DOT1L: variants seen among roughly 807,000 people sequenced by gnomAD.
DOT1L encodes DOT1 like histone lysine methyltransferase.
A neutral mutation model predicts 153.3 loss-of-function variants in DOT1L; 33 were observed. The ratio of observed to expected loss-of-function variants is 0.22; its 90% CI spans 0.16 to 0.29. DOT1L has a LOEUF of 0.29. Among genes scored for constraint, DOT1L ranks in the 10% least tolerant of loss-of-function variants. DOT1L has a pLI of 1.00. For missense variants in DOT1L, 1,847 were observed against 2,119.9 expected, an observed-to-expected ratio of 0.87 and a Z score of 2.53; for synonymous variants, 1,135 against 965.1, an observed-to-expected ratio of 1.18 and a Z score of -3.26.
intron 17 of DOT1L, 51 bp from the exon 18 acceptor site, chr19:2,213,798 C>A (rs757663986): frequency 6.2e-7 from 1 of 1,609,730 alleles, no homozygotes; most frequent in Non-Finnish European, 8.5e-7. Flanking sequence ...TGGGGGCTTA[C>A]TTCACCTTGG....
At chr19:2,228,215 G>T (rs1414977456) in intron 27 of DOT1L, 1 of 1,363,680 alleles carries the variant, frequency 7.3e-7, no homozygotes, top group Admixed American at 1.9e-5. Flanking sequence ...ACCAGCCCCT[G>T]CCCCGGCTGG....
At position 2,231,793 on chromosome 19, in the gene DOT1L, T is replaced by C. The variant is rs1031312659; in HGVS notation, c.*2001T>C. ...ACACTGTATTACTTCTGCCTCCCTCTAGGTGACAGTGGCAGTCCGGGTGCC... is the reference window on the plus strand; with the variant it reads ...ACACTGTATTACTTCTGCCTCCCTCCAGGTGACAGTGGCAGTCCGGGTGCC... On this transcript the variant is annotated 3_prime_UTR_variant, in exon 28 of 28. Transcript: ENST00000398665. 1 of 214,792 alleles carries C rather than the reference T, an allele frequency of 4.7e-6. No homozygotes were observed. The highest frequency in any genetic ancestry group is 2.3e-5 in the African/African-American group (1 of 44,216). 13.3% of individuals were successfully genotyped at this position (214,792 alleles called of 1,614,324 possible).
intron 2 of DOT1L, among the ~76,000 whole-genome samples, chr19:2,184,726 G>C (rs974538012): frequency 6.6e-6 from 1 of 152,192 alleles, no homozygotes; most frequent in Non-Finnish European, 1.5e-5. Flanking sequence ...ATGCCGTCCT[G>C]TGGGCTTTCC....
chr19:2,179,847 G>A (rs139829831), intron 1 of DOT1L, among the ~76,000 whole-genome samples: 7 of 152,156 alleles, frequency 4.6e-5, no homozygotes, highest in African/African-American at 1.7e-4. Context: ...GGCTGGCCTC[G>A]AACTCCTGGC....
At chr19:2,184,277 C>A (rs559672564) in intron 2 of DOT1L, among the ~76,000 whole-genome samples, 1 of 152,218 alleles carries the variant, frequency 6.6e-6, no homozygotes, top group East Asian at 1.9e-4. Flanking sequence ...CGGTGTTGGC[C>A]AGGTGTGCAG....
chr19:2,220,226 A>G lies in DOT1L; in HGVS notation c.2806+4A>G, dbSNP rs1162755908. ...AGCCTTGCCCTGGCCCCCGCAGGTA[A>G]CGCCCCTCCTGTGCCCTACCCTCAG... On this transcript the variant is annotated splice_donor_region_variant and intron_variant, in intron 23 of 27. Transcript: ENST00000398665. This position sits in a 1 kb window ranked among gnomAD's most constrained non-coding sequence, Gnocchi z 4.5. 1 of 1,611,596 alleles carries G rather than the reference A, an allele frequency of 6.2e-7. No homozygotes were observed. Among genetic ancestry groups the G allele is most frequent in the Non-Finnish European group, 8.5e-7 (1 of 1,179,170 alleles).
chr19:2,198,211 G>T (rs1346084835), intron 7 of DOT1L, among the ~76,000 whole-genome samples: 1 of 152,216 alleles, frequency 6.6e-6, no homozygotes, highest in Non-Finnish European at 1.5e-5. Context: ...CTCAGGACTT[G>T]GGATTTGAGT....
At chr19:2,218,649 T>G (rs1362399372) in intron 22 of DOT1L, among the ~76,000 whole-genome samples, 1 of 152,050 alleles carries the variant, frequency 6.6e-6, no homozygotes, top group South Asian at 2.1e-4. Context: ...CGCCTGGGCC[T>G]CCCAAAGTGC....
chr19:2,226,552 C>T lies in DOT1L; in HGVS notation c.4031C>T (p.Ala1344Val), dbSNP rs2144932643. The T allele has an allele frequency of 5.0e-6, 8 of 1,600,428 alleles. No individual in the cohort carries two copies. Among genetic ancestry groups the T allele is most frequent in the Non-Finnish European group, 5.9e-6 (7 of 1,179,210 alleles). Residue 1344 changes from alanine to valine, a missense_variant, in exon 27 of 28, where the codon GCG (alanine) becomes GTG (valine). Ala to Val is a moderately conservative substitution (Grantham distance 64). This residue lies in a region of DOT1L where 934 missense variants were observed against 825.3 expected (regional missense o/e 1.13). Coordinates refer to ENST00000398665, the MANE Select transcript of DOT1L (RefSeq NM_032482.3). Reference protein sequence around the residue: ...GASLPHKGPEAAGLSSPLSFP... With the variant: ...GASLPHKGPEVAGLSSPLSFP... ...TCTCTTCCCCACAAGGGCCCCGAGG[C>T]GGCCGGCCTGAGCTCCCCGCTGAGC...
rs142098196 is a variant in DOT1L at position 2,197,315 on chromosome 19, C to T, written c.652-2569C>T. 1.1e-4 allele frequency among the ~76,000 whole-genome samples: 17 copies of T among 152,284 alleles called. No homozygotes were observed. The highest frequency in any genetic ancestry group is 2.2e-4 in the Non-Finnish European group (15 of 68,028). On this transcript the variant is annotated intron_variant, in intron 7 of 27. Coordinates refer to ENST00000398665, the MANE Select transcript of DOT1L (RefSeq NM_032482.3). The surrounding 1 kb of genome is among the most constrained non-coding windows in gnomAD (Gnocchi z 4.1). ...GTTCTGGGTCCACTTGCACTCTGGC[C>T]GGAAGTTCCCACATGGGTTCCTGGC...
chr19:2,228,473 TC>T (rs1389065189), intron 27 of DOT1L: 1 of 1,203,928 alleles, frequency 8.3e-7, no homozygotes, highest in Non-Finnish European at 1.1e-6. Context: ...CGGCAGAAGT[TC>T]CGGGGGTCCT....
chr19:2,180,885 A>C, intron 2 of DOT1L, 129 bp downstream of exon 2: 3 of 1,112,384 alleles, frequency 2.7e-6, no homozygotes, highest in Admixed American at 2.2e-5. Flanking sequence ...TGTGAAGCGG[A>C]TCAGGGGTGA....
At position 2,226,910 on chromosome 19, in the gene DOT1L, C is replaced by T. The variant is rs1384514662; in HGVS notation, c.4389C>T (p.Ser1463=). The part of the protein sequence containing the change: ...GAASSAQTHR[S]FLGPFPPGPQ... Reference sequence around the variant, plus strand: ...CGTCCTCCGCCCAGACGCACCGGTCCTTCCTGGGCCCCTTCCCGCCGGGAC... The same window carrying T: ...CGTCCTCCGCCCAGACGCACCGGTCTTTCCTGGGCCCCTTCCCGCCGGGAC... Residue 1463 remains serine (S), a synonymous_variant, in exon 27 of 28, where the codon TCC becomes TCT. Coordinates refer to ENST00000398665, the MANE Select transcript of DOT1L (RefSeq NM_032482.3). The T allele has an allele frequency of 2.5e-6, 4 of 1,578,278 alleles. No homozygotes were observed. Among genetic ancestry groups the T allele is most frequent in the East Asian group, 2.3e-5 (1 of 42,948 alleles).
chr19:2,197,507 G>A lies in DOT1L; in HGVS notation c.652-2377G>A, dbSNP rs1023229555. Among the ~76,000 whole-genome samples, 3 of 152,318 alleles carry A rather than the reference G, an allele frequency of 2.0e-5. No individual in the cohort carries two copies. Among genetic ancestry groups the A allele is most frequent in the Non-Finnish European group, 4.4e-5 (3 of 68,022 alleles). On this transcript the variant is annotated intron_variant, in intron 7 of 27. Transcript: ENST00000398665. The surrounding 1 kb of genome is among the most constrained non-coding windows in gnomAD (Gnocchi z 4.1). ...CGGGTGGTGGGGCTGCCGCAGCACT[G>A]CTCCCCCTTCTGCCTCATCTTGTCA...
At chr19:2,223,772 A>G (rs879467641) in intron 25 of DOT1L, among the ~76,000 whole-genome samples, 5 of 152,220 alleles carry the variant, frequency 3.3e-5, no homozygotes, top group Admixed American at 3.3e-4. Flanking sequence ...AAGCTTCAGC[A>G]GTGAGGCGTT....
chr19:2,185,405 C>T (rs1431631363), intron 2 of DOT1L, among the ~76,000 whole-genome samples: 1 of 152,178 alleles, frequency 6.6e-6, no homozygotes, highest in Non-Finnish European at 1.5e-5. Flanking sequence ...AGTCACGCCT[C>T]CCTTCTCTCT....
At chr19:2,195,066 G>T (rs12983546) in intron 7 of DOT1L, among the ~76,000 whole-genome samples, 69,456 of 151,854 alleles carry the variant, frequency 0.46, 16,182 homozygotes, top group Middle Eastern at 0.53. Flanking sequence ...ATGGACCCTG[G>T]GGATGGCGTC....
At position 2,210,747 on chromosome 19, in the gene DOT1L, A is replaced by G. The variant is rs2144832354; in HGVS notation, c.1243A>G (p.Lys415Glu). ...KMAGRKRGRP[K>E]KMNTANPERK... Reference sequence around the variant, plus strand: ...GGCTGGCCGCAAGCGCGGGCGCCCCAAGAAGATGAACACTGCGAACCCCGA... The same window carrying G: ...GGCTGGCCGCAAGCGCGGGCGCCCCGAGAAGATGAACACTGCGAACCCCGA... The change falls in exon 14 of 28, where the codon AAG (lysine) becomes GAG (glutamate). Residue 415 changes from lysine (K) to glutamate (E), a missense_variant. Physicochemically the swap from Lys to Glu is moderately conservative, Grantham distance 56. This residue lies in a region of DOT1L where 205 missense variants were observed against 203.1 expected (regional missense o/e 1.01). Transcript: ENST00000398665. The G allele has an allele frequency of 6.2e-7, 1 of 1,613,146 alleles. No individual in the cohort carries two copies. The highest frequency in any genetic ancestry group is 8.5e-7 in the Non-Finnish European group (1 of 1,180,008).
chr19:2,218,707 T>TA (rs934510649), intron 22 of DOT1L, among the ~76,000 whole-genome samples: 2 of 151,432 alleles, frequency 1.3e-5, no homozygotes, highest in African/African-American at 4.9e-5. Context: ...TCTTTTTTTT[T>TA]ATTTTTCGAG....
Sources: allele counts gnomAD v4.1 joint callset (sites outside exome capture counted in the v4.1 genomes callset), GRCh38; gene constraint gnomAD v4.1.1; regional missense constraint gnomAD v4.1.1; non-coding constraint Gnocchi (gnomAD v3.1); transcripts MANE v1.5; gene names NCBI Gene and HGNC (gene_info 2026-07-23, HGNC 2026-07-21).